The following SDK2 variants were observed in gnomAD, a reference collection of about 807,000 sequenced individuals.
The protein encoded by SDK2 is protein sidekick-2.
SDK2 carries 105 observed loss-of-function variants against 253.9 expected under a neutral mutation model. The observed-to-expected ratio is 0.41, with a 90% confidence interval of 0.35 to 0.49. The LOEUF (loss-of-function observed/expected upper bound fraction) is 0.49. SDK2 is among the 20% of genes least tolerant of loss of function. SDK2 has a pLI of 0.06. For missense variants in SDK2, 2,608 were observed against 3,003.0 expected (o/e 0.87, Z 3.07); for synonymous variants, 1,249 against 1,234.9 (o/e 1.01, Z -0.24).
intron 2 of SDK2, among the ~76,000 whole-genome samples, chr17:73,485,841 C>G (rs1344817206): frequency 6.6e-6 from 1 of 152,184 alleles, no homozygotes; most frequent in Non-Finnish European, 1.5e-5. Context: ...GCCTGTGAAC[C>G]CTCAAACATT....
chr17:73,538,429 C>G (rs1233589435), intron 1 of SDK2, among the ~76,000 whole-genome samples: 1 of 152,226 alleles, frequency 6.6e-6, no homozygotes, highest in Non-Finnish European at 1.5e-5. Context: ...GGTCTTCTGC[C>G]AGAAACCCAC....
rs753453005 is a variant in SDK2 at position 73,423,515 on chromosome 17, G to T, written c.1768C>A (p.Pro590Thr). 1 of 1,558,634 alleles carries T rather than the reference G, an allele frequency of 6.4e-7. No homozygotes were observed. The highest frequency in any genetic ancestry group is 1.9e-5 in the Admixed American group (1 of 53,466). ...GCCACTGGGTGCTCGGGCGCGTGGG[G>T]CAGTTGCCTGGAAAAGAGACACGTG... ...RSAHLRVRQLPHAPEHPVATL... is the reference protein window; with the variant it reads ...RSAHLRVRQLTHAPEHPVATL... Residue 590 changes from proline (P) to threonine (T), a missense_variant, in exon 14 of 45, where the codon CCC becomes ACC. Transcript: ENST00000392650.
chr17:73,578,149 TC>T (rs1333498872), intron 1 of SDK2, among the ~76,000 whole-genome samples: 1 of 150,256 alleles, frequency 6.7e-6, no homozygotes, highest in Non-Finnish European at 1.5e-5. Flanking sequence ...AACATCCACC[TC>T]CCTGGTTCAA....
At chr17:73,613,583 G>T (rs1185625820) in intron 1 of SDK2, among the ~76,000 whole-genome samples, 1 of 111,884 alleles carries the variant, frequency 8.9e-6, no homozygotes, top group South Asian at 3.5e-4. Flanking sequence ...GCCACTGTGC[G>T]GCCCCACCCC....
chr17:73,504,215 T>A (rs555232518), intron 2 of SDK2: 2,545 of 81,742 alleles, frequency 0.031, 38 homozygotes, highest in African/African-American at 0.04. Flanking sequence ...TGTGTGTGTG[T>A]GAGAGAGAGA....
chr17:73,484,112 G>A (rs775395884), intron 2 of SDK2, among the ~76,000 whole-genome samples: 7 of 152,122 alleles, frequency 4.6e-5, no homozygotes. Flanking sequence ...CTCCGGCTCG[G>A]GGAGGAAAGC....
rs114607276 is a variant in SDK2 at position 73,340,133 on chromosome 17, A to G, written c.6166-1193T>C. Among the ~76,000 whole-genome samples, 691 of 152,300 alleles carry G rather than the reference A, an allele frequency of 4.5e-3. 9 individuals carry two copies. Among genetic ancestry groups the G allele is most frequent in the African/African-American group, 0.016 (653 of 41,566 alleles). On this transcript the variant is annotated intron_variant, in intron 44 of 44. Transcript: ENST00000392650. ...GTGATCCACCCGCCTTGGCCTCTCA[A>G]AGTGCTGGGATTCAGGCGTGGGCCA...
At chr17:73,588,023 G>T (rs1360708121) in intron 1 of SDK2, among the ~76,000 whole-genome samples, 1 of 152,134 alleles carries the variant, frequency 6.6e-6, no homozygotes, top group African/African-American at 2.4e-5. Context: ...TTCAAAGTGA[G>T]GGGAGGAGGG....
rs1305979586 is a variant in SDK2 at position 73,455,835 on chromosome 17, CTT to C, written c.479+69_479+70del. 4.1e-6 allele frequency: 6 copies of C among 1,465,778 alleles called. No individual in the cohort carries two copies. Among genetic ancestry groups the C allele is most frequent in the Admixed American group, 4.4e-5 (2 of 45,968 alleles). The allele number at this position is 1,465,778 out of a possible 1,614,324, so 90.8% of individuals were successfully genotyped here. On this transcript the variant is annotated intron_variant, in intron 4 of 44. Transcript: ENST00000392650. The surrounding 1 kb of genome is among the most constrained non-coding windows in gnomAD (Gnocchi z 5.0). Reference sequence around the variant, plus strand: ...GGCCCTCCTCCACACTCAAGGGAGACTTTATCTGGCCCCAAACCTCCTCCCCC... The same window carrying C: ...GGCCCTCCTCCACACTCAAGGGAGACTATCTGGCCCCAAACCTCCTCCCCC...
chr17:73,527,606 G>A (rs1027073561), intron 1 of SDK2, among the ~76,000 whole-genome samples: 1 of 152,204 alleles, frequency 6.6e-6, no homozygotes, highest in Non-Finnish European at 1.5e-5. Context: ...AGGCTCCAGG[G>A]CTCTATCCTA....
chr17:73,576,313 C>G (rs1447411473), intron 1 of SDK2, among the ~76,000 whole-genome samples: 1 of 152,050 alleles, frequency 6.6e-6, no homozygotes, highest in Non-Finnish European at 1.5e-5. Context: ...GGAAAGGCGT[C>G]CCAAGGATCA....
rs758063765 is a variant in SDK2 at position 73,379,570 on chromosome 17, G to A, written c.4763-21C>T. 1.4e-6 allele frequency: 2 copies of A among 1,479,368 alleles called. No homozygotes were observed. The highest frequency in any genetic ancestry group is 1.2e-5 in the South Asian group (1 of 85,760). The allele number at this position is 1,479,368 out of a possible 1,614,324, so 91.6% of individuals were successfully genotyped here. ...CAGGTCTGTGGGGGAGAGTGGGGGA[G>A]GGGAAGCACACTGAGGTCACCGTCA... On this transcript the variant is annotated intron_variant, in intron 34 of 44. Coordinates refer to ENST00000392650, the MANE Select transcript of SDK2 (RefSeq NM_001144952.2). This position sits in a 1 kb window ranked among gnomAD's most constrained non-coding sequence, Gnocchi z 4.5.
intron 1 of SDK2, among the ~76,000 whole-genome samples, chr17:73,593,257 T>G (rs1820550988): frequency 6.6e-6 from 1 of 152,146 alleles, no homozygotes; most frequent in Non-Finnish European, 1.5e-5. Context: ...GATCCAGAGT[T>G]ACTCCTGGGG....
intron 1 of SDK2, among the ~76,000 whole-genome samples, chr17:73,522,989 A>G (rs896060661): frequency 9.2e-5 from 14 of 152,332 alleles, no homozygotes; most frequent in African/African-American, 3.1e-4. Flanking sequence ...TGTGGCTGCC[A>G]CAGCTTCTTA....
chr17:73,389,611 A>G (rs1260954464), intron 29 of SDK2, among the ~76,000 whole-genome samples: 2 of 152,222 alleles, frequency 1.3e-5, no homozygotes, highest in East Asian at 3.9e-4. Context: ...GTCCAAGATC[A>G]GGCAAGGTGC....
Position 73,472,053 on chromosome 17 carries a change from TG to T in SDK2, c.331+58del. ...CTGGCTCTGCCCAGGATGTGGCTGG[TG>T]GGTGCCACTCTGGCACCACAGTCGC... On this transcript the variant is annotated intron_variant, in intron 3 of 44. Transcript: ENST00000392650. 8.2e-6 allele frequency: 10 copies of T among 1,225,900 alleles called. No individual in the cohort carries two copies. In the South Asian group the frequency reaches 1.1e-4, roughly 14 times the overall value. The allele number at this position is 1,225,900 out of a possible 1,614,324, so 75.9% of individuals were successfully genotyped here. A position where few individuals can be genotyped will look rare whatever the true frequency, so the allele number is the denominator to read the frequency against.
chr17:73,380,662 C>T (rs899289304), intron 34 of SDK2, among the ~76,000 whole-genome samples: 1 of 152,214 alleles, frequency 6.6e-6, no homozygotes, highest in Non-Finnish European at 1.5e-5. Flanking sequence ...ACAGACTTCC[C>T]TTTTCCAGCC....
intron 1 of SDK2, among the ~76,000 whole-genome samples, chr17:73,624,939 C>T (rs889258812): frequency 1.3e-5 from 2 of 152,160 alleles, no homozygotes; most frequent in Admixed American, 6.5e-5. Context: ...AATCTCTCTC[C>T]AAGAGTCAAC....
At chr17:73,453,369 G>GT (rs1260359089) in intron 4 of SDK2, among the ~76,000 whole-genome samples, 19 of 127,148 alleles carry the variant, frequency 1.5e-4, no homozygotes, top group South Asian at 5.0e-4. Flanking sequence ...ACTGAGCTGG[G>GT]GTTTTTTTTT....
Sources: allele counts gnomAD v4.1 joint callset (sites outside exome capture counted in the v4.1 genomes callset), GRCh38; gene constraint gnomAD v4.1.1; non-coding constraint Gnocchi (gnomAD v3.1); transcripts MANE v1.5; gene names NCBI Gene and HGNC (gene_info 2026-07-23, HGNC 2026-07-21).